Variants in NKAIN3 observed in about 807,000 individuals in gnomAD.
The protein encoded by NKAIN3 is sodium/potassium-transporting ATPase subunit beta-1-interacting protein 3.
NKAIN3 carries 25 observed loss-of-function variants against 30.2 expected under a neutral mutation model. The observed-to-expected ratio is 0.83, with a 90% CI of 0.60 to 1.16. The LOEUF (loss-of-function observed/expected upper bound fraction) is 1.16. Ranked by LOEUF, NKAIN3 falls within the 50% of genes most tolerant of loss-of-function variation. NKAIN3 has a pLI of 0.00. For missense variants in NKAIN3, 225 were observed against 254.1 expected (o/e 0.89, Z 0.78); for synonymous variants, 91 against 89.6 (o/e 1.02, Z -0.09).
intron 1 of NKAIN3, among the ~76,000 whole-genome samples, chr8:62,459,545 C>G (rs917903481): frequency 2.0e-5 from 3 of 151,922 alleles, no homozygotes; most frequent in African/African-American, 7.3e-5. Context: ...GTAGAAGAAG[C>G]CAAACAATGA....
At chr8:62,398,115 G>A (rs941998449) in intron 1 of NKAIN3, among the ~76,000 whole-genome samples, 1 of 152,100 alleles carries the variant, frequency 6.6e-6, no homozygotes, top group Non-Finnish European at 1.5e-5. Context: ...GGAGATGAAC[G>A]AGGAGATAAC....
intron 1 of NKAIN3, among the ~76,000 whole-genome samples, chr8:62,494,112 G>A (rs1807157629): frequency 6.6e-6 from 1 of 152,098 alleles, no homozygotes; most frequent in Admixed American, 6.6e-5. Flanking sequence ...GGTTTTCAAG[G>A]GAAATGTTTC....
intron 4 of NKAIN3, among the ~76,000 whole-genome samples, chr8:62,836,350 T>A (rs1431376561): frequency 1.3e-5 from 2 of 152,110 alleles, no homozygotes; most frequent in East Asian, 3.9e-4. Flanking sequence ...TTTAAAAAAA[T>A]TTCCACTCAA....
In NKAIN3 at chr8:62,720,311, C is replaced by T. The variant is rs1815047789; in HGVS notation, c.274-26621C>T. 2.6e-5 allele frequency among the ~76,000 whole-genome samples: 4 copies of T among 152,174 alleles called. No individual in the cohort carries two copies. The South Asian group carries it at 8.3e-4, about 32-fold the overall frequency. On this transcript the variant is annotated intron_variant, in intron 3 of 6. Transcript: ENST00000623646. ...ATACATTTACATTAAATTACAGAAA[C>T]ATATTCATTTCTAAATGTTAATAAA...
chr8:62,348,850 T>C (rs1488829737), intron 1 of NKAIN3, among the ~76,000 whole-genome samples: 1 of 152,180 alleles, frequency 6.6e-6, no homozygotes, highest in Non-Finnish European at 1.5e-5. Context: ...TCATCCAAAA[T>C]ATTGAACTAA....
chr8:62,990,976 C>T (rs1194819054), intron 5 of NKAIN3: 1 of 152,206 alleles, frequency 6.6e-6, no homozygotes, highest in African/African-American at 2.4e-5. Context: ...CAGAAAACAC[C>T]TCTCTGAAGA....
At chr8:62,553,991 T>A (rs189705111) in intron 1 of NKAIN3, among the ~76,000 whole-genome samples, 32 of 152,362 alleles carry the variant, frequency 2.1e-4, no homozygotes, top group Admixed American at 5.2e-4. Flanking sequence ...ACTAGATGCA[T>A]GCCATTTCCT....
chr8:62,826,270 G>A (rs1194147642), intron 4 of NKAIN3, among the ~76,000 whole-genome samples: 5 of 151,820 alleles, frequency 3.3e-5, no homozygotes, highest in African/African-American at 1.2e-4. Context: ...GTAACAAGTG[G>A]TGTGTGTGAG....
chr8:62,952,858 A>G (rs970793050), intron 5 of NKAIN3, among the ~76,000 whole-genome samples: 2 of 152,200 alleles, frequency 1.3e-5, no homozygotes, highest in Admixed American at 6.5e-5. Flanking sequence ...GACTTGAGAA[A>G]AGACATTTTA....
At chr8:62,829,843 AT>A in intron 4 of NKAIN3, among the ~76,000 whole-genome samples, 1 of 152,304 alleles carries the variant, frequency 6.6e-6, no homozygotes, top group South Asian at 2.1e-4. Context: ...TTTTAAATTC[AT>A]TAGCAATATT....
chr8:62,716,406 C>A (rs1214371370), intron 3 of NKAIN3, among the ~76,000 whole-genome samples: 1 of 151,968 alleles, frequency 6.6e-6, no homozygotes, highest in Non-Finnish European at 1.5e-5. Flanking sequence ...GATTTCTGAT[C>A]TATCTGCTAG....
chr8:62,585,260 C>T (rs1446583548), intron 2 of NKAIN3, among the ~76,000 whole-genome samples: 3 of 152,134 alleles, frequency 2.0e-5, no homozygotes, highest in Non-Finnish European at 4.4e-5. Context: ...GAGGAGGCCT[C>T]TCGGCAAAGA....
At chr8:62,891,284 G>C (rs2130825207) in intron 4 of NKAIN3, among the ~76,000 whole-genome samples, 1 of 152,294 alleles carries the variant, frequency 6.6e-6, no homozygotes, top group African/African-American at 2.4e-5. Context: ...TTTCTCCTGT[G>C]CTGGATGTTT....
chr8:62,612,430 G>C (rs1261416699), intron 3 of NKAIN3, among the ~76,000 whole-genome samples: 3 of 151,646 alleles, frequency 2.0e-5, no homozygotes, highest in African/African-American at 7.3e-5. Context: ...TAAGTATAAT[G>C]ACTCCTGTTC....
At chr8:62,843,174 G>A (rs959185782) in intron 4 of NKAIN3, among the ~76,000 whole-genome samples, 2 of 151,888 alleles carry the variant, frequency 1.3e-5, no homozygotes, top group Non-Finnish European at 2.9e-5. Flanking sequence ...GTTGTTGGTT[G>A]TTGCTGGCTT....
intron 1 of NKAIN3, among the ~76,000 whole-genome samples, chr8:62,333,877 C>T (rs1003332704): frequency 6.6e-6 from 1 of 152,016 alleles, no homozygotes; most frequent in Non-Finnish European, 1.5e-5. Context: ...AGTGGCATTG[C>T]CTCATTGGAT....
chr8:62,916,960 C>G (rs915741656), intron 4 of NKAIN3, among the ~76,000 whole-genome samples: 1 of 151,946 alleles, frequency 6.6e-6, no homozygotes, highest in Admixed American at 6.6e-5. Context: ...CTTTAGGATC[C>G]CTACCTGTTT....
chr8:62,332,735 G>A (rs1484544552), intron 1 of NKAIN3, among the ~76,000 whole-genome samples: 2 of 152,076 alleles, frequency 1.3e-5, no homozygotes, highest in Non-Finnish European at 2.9e-5. Context: ...TTTCTAAGAA[G>A]TTTTCGACCA....
intron 3 of NKAIN3, among the ~76,000 whole-genome samples, chr8:62,651,130 T>C (rs1462933649): frequency 6.6e-6 from 1 of 152,060 alleles, no homozygotes; most frequent in Non-Finnish European, 1.5e-5. Flanking sequence ...AAAAAAAACT[T>C]CTTCGAAAAG....
Sources: allele counts gnomAD v4.1 joint callset (sites outside exome capture counted in the v4.1 genomes callset), GRCh38; gene constraint gnomAD v4.1.1; transcripts MANE v1.5; gene names NCBI Gene and HGNC (gene_info 2026-07-23, HGNC 2026-07-21).